DGLUCY: variants seen among roughly 807,000 people sequenced by gnomAD.
DGLUCY encodes D-glutamate cyclase, also known as D-glutamate cyclase, mitochondrial.
DGLUCY carries 58 observed loss-of-function variants against 58.5 expected under a neutral mutation model. That is an observed-to-expected ratio of 0.99 (90% CI 0.80 to 1.23). DGLUCY has a LOEUF of 1.23. Ranked by LOEUF, DGLUCY falls within the 50% of genes most tolerant of loss-of-function variation. The pLI is 0.00. For missense variants in DGLUCY, 779 were observed against 784.7 expected, an observed-to-expected ratio of 0.99 and a Z score of 0.09; for synonymous variants, 325 against 314.1, an observed-to-expected ratio of 1.03 and a Z score of -0.37.
chr14:91,181,965 T>TTTAA (rs2049203498), intron 8 of DGLUCY, among the ~76,000 whole-genome samples: 1 of 148,694 alleles, frequency 6.7e-6, no homozygotes, highest in East Asian at 1.9e-4. Flanking sequence ...CTTTATGGCT[T>TTTAA]TTTATTTATT....
At chr14:91,067,780 G>T (rs1360333291) in intron 1 of DGLUCY, among the ~76,000 whole-genome samples, 1 of 151,946 alleles carries the variant, frequency 6.6e-6, no homozygotes, top group African/African-American at 2.4e-5. Flanking sequence ...GAACTCCTGG[G>T]TCCAAGCAAT....
At chr14:91,145,826 G>T (rs1052788099) in intron 1 of DGLUCY, among the ~76,000 whole-genome samples, 2 of 152,102 alleles carry the variant, frequency 1.3e-5, no homozygotes, top group Non-Finnish European at 2.9e-5. Flanking sequence ...ACAGCAAGGG[G>T]CTTGTCCCTG....
chr14:91,077,352 G>C (rs560403667), intron 1 of DGLUCY, among the ~76,000 whole-genome samples: 1 of 149,708 alleles, frequency 6.7e-6, no homozygotes, highest in South Asian at 2.1e-4. Context: ...AAAAGAAAGG[G>C]AGAAGGAAGG....
At chr14:91,177,249 C>T (rs570685491) in intron 7 of DGLUCY, among the ~76,000 whole-genome samples, 27 of 152,212 alleles carry the variant, frequency 1.8e-4, no homozygotes, top group African/African-American at 5.8e-4. Flanking sequence ...GATTCTCCTG[C>T]CCCAGCCTCC....
At chr14:91,066,241 G>A (rs1241687813) in intron 1 of DGLUCY, among the ~76,000 whole-genome samples, 1 of 152,046 alleles carries the variant, frequency 6.6e-6, no homozygotes, top group Admixed American at 6.6e-5. Context: ...AGCCGGGCCT[G>A]GTGGCACATG....
chr14:91,062,543 G>T (rs1595595341), intron 1 of DGLUCY, among the ~76,000 whole-genome samples: 2 of 41,790 alleles, frequency 4.8e-5, no homozygotes, highest in Non-Finnish European at 9.4e-5. Flanking sequence ...GCGAGACTCT[G>T]TCTAAAAAAA....
At chr14:91,129,950 A>T (rs1297212424) in intron 1 of DGLUCY, among the ~76,000 whole-genome samples, 3 of 152,188 alleles carry the variant, frequency 2.0e-5, no homozygotes, top group Non-Finnish European at 4.4e-5. Flanking sequence ...CCCAGCCTCA[A>T]CATGATGTTT....
intron 1 of DGLUCY, among the ~76,000 whole-genome samples, chr14:91,150,327 C>G (rs574447108): frequency 6.6e-6 from 1 of 151,858 alleles, no homozygotes; most frequent in Non-Finnish European, 1.5e-5. Context: ...ACAGGGGCCC[C>G]GGGGCTAGAA....
chr14:91,167,719 C>A, intron 4 of DGLUCY: 1 of 698,740 alleles, frequency 1.4e-6, no homozygotes, highest in South Asian at 1.5e-5. Context: ...CTTGCATTAC[C>A]AACACCCAGA....
At chr14:91,188,632 C>G (rs1402570310) in intron 8 of DGLUCY, among the ~76,000 whole-genome samples, 1 of 152,062 alleles carries the variant, frequency 6.6e-6, no homozygotes, top group African/African-American at 2.4e-5. Context: ...TTGAGACCAG[C>G]CTGGGCAACA....
At chr14:91,074,093 CAA>C (rs1183223393) in intron 1 of DGLUCY, among the ~76,000 whole-genome samples, 4,251 of 99,510 alleles carry the variant, frequency 0.043, 116 homozygotes, top group African/African-American at 0.065. Context: ...TCATCTCTAC[CAA>C]AAAAAAAAAA....
chr14:91,168,411 G>A (rs577704715), intron 4 of DGLUCY, among the ~76,000 whole-genome samples: 3 of 152,066 alleles, frequency 2.0e-5, no homozygotes, highest in African/African-American at 4.8e-5. Context: ...GCCAGTTCCC[G>A]AGACAGAAAA....
chr14:91,118,088 C>CCCT (rs1491351174), intron 1 of DGLUCY, among the ~76,000 whole-genome samples: 1 of 60,516 alleles, frequency 1.7e-5, no homozygotes, highest in African/African-American at 7.2e-5. Context: ...CCCCCCCCCC[C>CCCT]TTTTTTTTTT....
intron 7 of DGLUCY, among the ~76,000 whole-genome samples, chr14:91,179,139 A>G (rs1045098911): frequency 8.5e-5 from 13 of 152,256 alleles, no homozygotes; most frequent in South Asian, 2.1e-4. Flanking sequence ...CCTGAGATGA[A>G]TGAGCAATGG....
chr14:91,117,405 C>T (rs2140121908), intron 1 of DGLUCY, among the ~76,000 whole-genome samples: 1 of 152,188 alleles, frequency 6.6e-6, no homozygotes, highest in South Asian at 2.1e-4. Context: ...CCTTATTTTA[C>T]CCAGCCCCTG....
intron 3 of DGLUCY, among the ~76,000 whole-genome samples, 199 bp from the exon 4 acceptor site, chr14:91,167,026 C>T (rs2048322684): frequency 6.6e-6 from 1 of 151,888 alleles, no homozygotes; most frequent in South Asian, 2.1e-4. Context: ...GTGATCCCAG[C>T]TACTCGGGGG....
At chr14:91,165,353 G>T (rs1171936409) in intron 3 of DGLUCY, 1 of 438,120 alleles carries the variant, frequency 2.3e-6, no homozygotes, top group African/African-American at 2.0e-5. Flanking sequence ...TATGGTTGCT[G>T]CCATCTTATA....
intron 8 of DGLUCY, among the ~76,000 whole-genome samples, chr14:91,187,086 A>G (rs1595871815): frequency 6.6e-6 from 1 of 150,950 alleles, no homozygotes. Flanking sequence ...TGCAACCTCC[A>G]CCTCCCGAGT....
chr14:91,077,543 A>G (rs748175166), intron 1 of DGLUCY, among the ~76,000 whole-genome samples: 5 of 151,892 alleles, frequency 3.3e-5, no homozygotes, highest in East Asian at 1.9e-4. Flanking sequence ...CACAAGGTCA[A>G]TAGATCGAGA....
Sources: allele counts gnomAD v4.1 joint callset (sites outside exome capture counted in the v4.1 genomes callset), GRCh38; gene constraint gnomAD v4.1.1; transcripts MANE v1.5; gene names NCBI Gene and HGNC (gene_info 2026-07-23, HGNC 2026-07-21).